Variants in NEDD4 observed in about 807,000 individuals in gnomAD.
NEDD4 encodes E3 ubiquitin-protein ligase NEDD4.
NEDD4 carries 99 observed loss-of-function variants against 144.9 expected under a neutral mutation model. The observed-to-expected ratio is 0.68, with a 90% CI of 0.58 to 0.81. NEDD4 has a LOEUF of 0.81. Among genes scored for constraint, NEDD4 ranks in the 30% least tolerant of loss-of-function variants. The pLI, the probability that NEDD4 is intolerant of heterozygous loss-of-function variation, is 0.00. For synonymous variants in NEDD4, 318 were observed against 350.6 expected, an observed-to-expected ratio of 0.91 and a Z score of 1.04; for missense variants, 985 against 1,065.9, an observed-to-expected ratio of 0.92 and a Z score of 1.06.
At chr15:55,959,164 A>C (rs2037386822) in intron 2 of NEDD4, among the ~76,000 whole-genome samples, 1 of 151,992 alleles carries the variant, frequency 6.6e-6, no homozygotes, top group South Asian at 2.1e-4. Context: ...AAAGACATAA[A>C]CTTCCCTCTG....
chr15:55,844,103 C>T (rs1486521132), intron 18 of NEDD4, among the ~76,000 whole-genome samples: 2 of 151,672 alleles, frequency 1.3e-5, no homozygotes, highest in African/African-American at 4.9e-5. Flanking sequence ...AGTCTTTAGA[C>T]AGAGAAAGGG....
Position 55,967,439 on chromosome 15 carries a change from G to GCT in NEDD4, c.46-895_46-894dup, listed in dbSNP as rs1223680947. 6.4e-5 allele frequency among the ~76,000 whole-genome samples: 6 copies of GCT among 93,152 alleles called. No homozygotes were observed. The South Asian group carries it at 2.3e-3, about 35-fold the overall frequency. 61.1% of individuals were successfully genotyped at this position (93,152 alleles called of 152,430 possible). A position where few individuals can be genotyped will look rare whatever the true frequency, so the allele number is the denominator to read the frequency against. On this transcript the variant is annotated intron_variant, in intron 1 of 28. Transcript: ENST00000435532. Reference sequence around the variant, plus strand: ...CAAATAAAAAACTGAACATAACTATGCTGTGTGTGTGTGTGTGTGTGTGTG... The same window carrying GCT: ...CAAATAAAAAACTGAACATAACTATGCTCTGTGTGTGTGTGTGTGTGTGTGTG...
intron 5 of NEDD4, among the ~76,000 whole-genome samples, chr15:55,920,355 C>T (rs1213508441): frequency 3.3e-5 from 5 of 152,042 alleles, no homozygotes; most frequent in Non-Finnish European, 5.9e-5. Context: ...ATATAGGTGG[C>T]TCCTAAAACC....
chr15:55,940,517 C>CG (rs2142272951), intron 4 of NEDD4, among the ~76,000 whole-genome samples: 1 of 93,428 alleles, frequency 1.1e-5, no homozygotes, highest in African/African-American at 3.6e-5. Flanking sequence ...CCTCCTCCCC[C>CG]TTCTCTCTCT....
Position 55,829,663 on chromosome 15 carries a change from G to T in NEDD4, c.*234C>A. On this transcript the variant is annotated 3_prime_UTR_variant, in exon 29 of 29. Coordinates refer to ENST00000435532, the MANE Select transcript of NEDD4 (RefSeq NM_006154.4). ...CCAGGTGTGGTGGTGCCTGGCTTTA[G>T]GCAGGCACCTAACTCTAAAGACAGC... 11 of 382,840 alleles carry T rather than the reference G, an allele frequency of 2.9e-5. No homozygotes were observed. Among genetic ancestry groups the T allele is most frequent in the Admixed American group, 4.4e-5 (1 of 22,806 alleles). The allele number at this position is 382,840 out of a possible 1,614,324, so 23.7% of individuals were successfully genotyped here.
intron 1 of NEDD4, among the ~76,000 whole-genome samples, chr15:55,975,301 C>G (rs1354413981): frequency 1.3e-5 from 2 of 152,022 alleles, no homozygotes; most frequent in Non-Finnish European, 2.9e-5. Flanking sequence ...TCAAATTTTT[C>G]TTATTTGAGA....
chr15:55,884,950 A>C (rs991316835), intron 5 of NEDD4, among the ~76,000 whole-genome samples: 1 of 152,206 alleles, frequency 6.6e-6, no homozygotes, highest in Non-Finnish European at 1.5e-5. Context: ...AAGTACAAGA[A>C]GGTTATAGAA....
chr15:55,863,403 T>C (rs1208484312), intron 8 of NEDD4, among the ~76,000 whole-genome samples: 2 of 152,004 alleles, frequency 1.3e-5, no homozygotes, highest in East Asian at 1.9e-4. Flanking sequence ...AAAACAACAA[T>C]AAAACAGAAC....
chr15:55,848,933 TAATC>T (rs767931142), intron 14 of NEDD4, 47 bp from the exon 15 acceptor site: 203 of 1,431,776 alleles, frequency 1.4e-4, no homozygotes, highest in Non-Finnish European at 1.9e-4. Context: ...AATTTTAAAA[TAATC>T]AAAGTCAGTC....
intron 5 of NEDD4, among the ~76,000 whole-genome samples, chr15:55,890,134 T>TCTCA (rs2035519577): frequency 6.6e-6 from 1 of 152,152 alleles, no homozygotes; most frequent in Non-Finnish European, 1.5e-5. Flanking sequence ...TTTCAAAATA[T>TCTCA]CTCATGTACC....
chr15:55,919,943 G>C (rs1045375450), intron 5 of NEDD4, among the ~76,000 whole-genome samples: 1 of 152,156 alleles, frequency 6.6e-6, no homozygotes, highest in Non-Finnish European at 1.5e-5. Flanking sequence ...TATAGACATT[G>C]CTATGAAGAC....
chr15:55,930,229 C>T (rs1311639221), intron 4 of NEDD4, among the ~76,000 whole-genome samples: 1 of 152,068 alleles, frequency 6.6e-6, no homozygotes, highest in Non-Finnish European at 1.5e-5. Context: ...ATACCTACAC[C>T]ATAGCCTTGA....
At chr15:55,860,342 G>T in intron 11 of NEDD4, 65 bp downstream of exon 11, 1 of 1,484,656 alleles carries the variant, frequency 6.7e-7, no homozygotes, top group African/African-American at 1.4e-5. Flanking sequence ...AAAGTTAGTT[G>T]TTGAATAGTA....
At position 55,834,073 on chromosome 15, in the gene NEDD4, T is replaced by A; in HGVS notation, c.2395A>T (p.Ser799Cys). 1 of 1,613,692 alleles carries A rather than the reference T, an allele frequency of 6.2e-7. No homozygotes were observed. The highest frequency in any genetic ancestry group is 1.1e-5 in the South Asian group (1 of 91,076). ...CACTGTATAACCTGATGATTTGCACTGTAGCCATTTTTATACTTTGTATGT... is the reference window on the plus strand; with the variant it reads ...CACTGTATAACCTGATGATTTGCACAGTAGCCATTTTTATACTTTGTATGT... ...REHTKYKNGYSANHQVIQWFW... is the reference protein window; with the variant it reads ...REHTKYKNGYCANHQVIQWFW... Residue 799 changes from serine to cysteine, a missense_variant, in exon 26 of 29, where the codon AGT becomes TGT. Ser to Cys is a moderately radical substitution (Grantham distance 112). Transcript: ENST00000435532.
chr15:55,945,939 C>T (rs1307406011), intron 4 of NEDD4, among the ~76,000 whole-genome samples: 1 of 151,892 alleles, frequency 6.6e-6, no homozygotes, highest in Non-Finnish European at 1.5e-5. Context: ...GAAATAAAAC[C>T]CTTTATAGAC....
chr15:55,955,365 T>C (rs2037319038), intron 2 of NEDD4, among the ~76,000 whole-genome samples: 1 of 152,134 alleles, frequency 6.6e-6, no homozygotes, highest in African/African-American at 2.4e-5. Context: ...GCACATACAT[T>C]AATGTTAACT....
intron 5 of NEDD4, among the ~76,000 whole-genome samples, chr15:55,904,261 G>A (rs992643157): frequency 1.3e-5 from 2 of 152,108 alleles, no homozygotes; most frequent in African/African-American, 4.8e-5. Flanking sequence ...CTAGAAGGCT[G>A]TTAGGGTCTC....
At chr15:55,924,830 G>A (rs1396042043) in intron 4 of NEDD4, 131 bp from the exon 5 acceptor site, 7 of 792,544 alleles carry the variant, frequency 8.8e-6, no homozygotes, top group Non-Finnish European at 1.4e-5. Flanking sequence ...CACTTTGGGA[G>A]GCCGAGGTGG....
chr15:55,851,478 T>C (rs189445382), intron 13 of NEDD4, among the ~76,000 whole-genome samples: 1 of 151,704 alleles, frequency 6.6e-6, no homozygotes, highest in East Asian at 1.9e-4. Context: ...ACATTTTCTT[T>C]TCTGTTTTTT....
Sources: allele counts gnomAD v4.1 joint callset (sites outside exome capture counted in the v4.1 genomes callset), GRCh38; gene constraint gnomAD v4.1.1; transcripts MANE v1.5; gene names NCBI Gene and HGNC (gene_info 2026-07-23, HGNC 2026-07-21).